Variants in KCNB2 observed in about 807,000 individuals in gnomAD.
KCNB2 encodes the protein potassium voltage-gated channel subfamily B member 2, also known as delayed rectifier potassium channel protein.
A neutral mutation model predicts 61.5 loss-of-function variants in KCNB2; 15 were observed. The observed-to-expected ratio is 0.24, with a 90% confidence interval of 0.16 to 0.38. KCNB2 has a LOEUF of 0.38. Ranked by LOEUF, KCNB2 falls within the 10% of genes least tolerant of loss-of-function variation. KCNB2 has a pLI of 1.00. For synonymous variants in KCNB2, 457 were observed against 446.0 expected, an observed-to-expected ratio of 1.02 and a Z score of -0.31; for missense variants, 828 against 1,125.2, an observed-to-expected ratio of 0.74 and a Z score of 3.78.
rs147239924 is a variant in KCNB2, at chr8:72,882,520, TGAGAGAGAGAGA to T, written c.580-53390_580-53379del. Among the ~76,000 whole-genome samples, 10 of 115,462 alleles carry T rather than the reference TGAGAGAGAGAGA, an allele frequency of 8.7e-5. 1 individual carries two copies. Among genetic ancestry groups the T allele is most frequent in the South Asian group, 3.0e-4 (1 of 3,296 alleles). 75.7% of individuals were successfully genotyped at this position (115,462 alleles called of 152,430 possible). ...TTTGACCATGCCAACTGCTGACAGT[TGAGAGAGAGAGA>T]GAGAGAGAGAGAGAGAGAGAGAGAA... is the stretch of plus-strand genomic sequence containing the variant. On this transcript the variant is annotated intron_variant, in intron 2 of 2. Transcript: ENST00000523207.
intron 2 of KCNB2, among the ~76,000 whole-genome samples, chr8:72,844,679 C>T (rs1014613389): frequency 2.6e-5 from 4 of 152,152 alleles, no homozygotes; most frequent in Non-Finnish European, 4.4e-5. Flanking sequence ...TGCTTTATTT[C>T]ATTAAGTTGA....
intron 2 of KCNB2, among the ~76,000 whole-genome samples, chr8:72,788,982 G>T (rs778847456): frequency 6.6e-6 from 1 of 152,048 alleles, no homozygotes; most frequent in Non-Finnish European, 1.5e-5. Context: ...CATTAAAAAT[G>T]TATTGATTAC....
chr8:72,574,773 C>T (rs1378751303), intron 2 of KCNB2, among the ~76,000 whole-genome samples: 1 of 152,132 alleles, frequency 6.6e-6, no homozygotes, highest in Non-Finnish European at 1.5e-5. Context: ...ACAGTATTTA[C>T]ATATTCTGGC....
chr8:72,548,390 A>T (rs1024929963), intron 1 of KCNB2, among the ~76,000 whole-genome samples: 1 of 152,190 alleles, frequency 6.6e-6, no homozygotes, highest in East Asian at 1.9e-4. Flanking sequence ...GTCCTGTTGG[A>T]TATTGTTAAA....
At chr8:72,543,612 C>A (rs1806221142) in intron 1 of KCNB2, among the ~76,000 whole-genome samples, 1 of 152,210 alleles carries the variant, frequency 6.6e-6, no homozygotes, top group Non-Finnish European at 1.5e-5. Context: ...CACCTTCTAT[C>A]ATTCCTAGAA....
chr8:72,735,036 T>C (rs892678749), intron 2 of KCNB2, among the ~76,000 whole-genome samples: 3 of 152,080 alleles, frequency 2.0e-5, no homozygotes, highest in African/African-American at 7.2e-5. Flanking sequence ...AATTCAGTGG[T>C]TTATAATGGA....
chr8:72,715,612 A>G (rs1052969310), intron 2 of KCNB2, among the ~76,000 whole-genome samples: 2 of 152,216 alleles, frequency 1.3e-5, no homozygotes, highest in East Asian at 1.9e-4. Flanking sequence ...TTTGAAACCA[A>G]CGAGAACAAA....
intron 2 of KCNB2, among the ~76,000 whole-genome samples, chr8:72,788,113 T>G (rs1808872744): frequency 6.6e-6 from 1 of 152,230 alleles, no homozygotes. Context: ...TCTGTTCATC[T>G]CTGACAACAC....
intron 2 of KCNB2, among the ~76,000 whole-genome samples, chr8:72,881,966 G>A (rs4412410): frequency 0.021 from 3,165 of 152,242 alleles, 54 homozygotes; most frequent in Non-Finnish European, 0.034. Context: ...AAAACCCAGC[G>A]TTATCATTTT....
chr8:72,935,956 C>G lies in KCNB2; in HGVS notation c.601C>G (p.Leu201Val). The G allele has an allele frequency of 6.2e-7, 1 of 1,613,986 alleles. No individual in the cohort carries two copies. Among genetic ancestry groups the G allele is most frequent in the Non-Finnish European group, 8.5e-7 (1 of 1,179,886 alleles). Residue 201 changes from leucine to valine, a missense_variant, in exon 3 of 3, where the codon CTG becomes GTG. Leu to Val is a conservative substitution (Grantham distance 32). Coordinates refer to ENST00000523207, the MANE Select transcript of KCNB2 (RefSeq NM_004770.3). ...AAKILAIVSILFIVLSTIALS... is the reference protein window; with the variant it reads ...AAKILAIVSIVFIVLSTIALS... ...CCAGATCCTGGCCATCGTGTCTATCCTGTTCATTGTGCTTTCCACCATTGC... is the reference window on the plus strand; with the variant it reads ...CCAGATCCTGGCCATCGTGTCTATCGTGTTCATTGTGCTTTCCACCATTGC...
rs369617716 is a variant in KCNB2, at chr8:72,873,341, G to A, written c.580-62594G>A. ...CCCCACCCTTTCACTGTTTAGCAGG[G>A]CCAACAGAAAGGACAGAGTCTGAGA... On this transcript the variant is annotated intron_variant, in intron 2 of 2. Coordinates refer to ENST00000523207, the MANE Select transcript of KCNB2 (RefSeq NM_004770.3). 1.5e-3 allele frequency among the ~76,000 whole-genome samples: 226 copies of A among 152,340 alleles called. 3 individuals are homozygous for A. Among genetic ancestry groups the A allele is most frequent in the South Asian group, 0.014 (66 of 4,820 alleles).
In KCNB2 at chr8:72,565,662, A is replaced by ACAAC. The variant is rs397762737; in HGVS notation, c.-93-1980_-93-1979insCAAC. On this transcript the variant is annotated intron_variant, in intron 1 of 2. Transcript: ENST00000523207. ...AAGCAGAATACACACACACACACACAACACACACACACACAACACACACAC... is the reference window on the plus strand; with the variant it reads ...AAGCAGAATACACACACACACACACACAACACACACACACACACAACACACACAC... Among the ~76,000 whole-genome samples, 45 of 147,960 alleles carry ACAAC rather than the reference A, an allele frequency of 3.0e-4. No individual in the cohort carries two copies. In the South Asian group the frequency reaches 4.7e-3, roughly 15 times the overall value.
intron 2 of KCNB2, among the ~76,000 whole-genome samples, chr8:72,791,175 G>T (rs748910959): frequency 2.2e-4 from 33 of 152,116 alleles, no homozygotes; most frequent in Non-Finnish European, 4.0e-4. Flanking sequence ...AGACAAGAGA[G>T]ATCTACAGTT....
chr8:72,651,015 C>A (rs1295350865), intron 2 of KCNB2, among the ~76,000 whole-genome samples: 1 of 152,030 alleles, frequency 6.6e-6, no homozygotes, highest in Non-Finnish European at 1.5e-5. Context: ...CATTCATTTT[C>A]CAAACCCTAG....
At chr8:72,900,967 A>T (rs1435706746) in intron 2 of KCNB2, among the ~76,000 whole-genome samples, 3 of 152,338 alleles carry the variant, frequency 2.0e-5, no homozygotes, top group Non-Finnish European at 2.9e-5. Flanking sequence ...AGAGCTACCA[A>T]TTGACCCAGC....
At chr8:72,796,830 C>G (rs1809038990) in intron 2 of KCNB2, among the ~76,000 whole-genome samples, 1 of 152,176 alleles carries the variant, frequency 6.6e-6, no homozygotes, top group African/African-American at 2.4e-5. Context: ...ATGATATCAA[C>G]TGAATACTGA....
Position 72,936,297 on chromosome 8 carries a change from C to T in KCNB2, c.942C>T (p.Leu314=), listed in dbSNP as rs145537672. ...TGCGCATCCTCAGGATCCTGAAACTCGCCAGGCATTCGACAGGCCTGCAGT... is the reference window on the plus strand; with the variant it reads ...TGCGCATCCTCAGGATCCTGAAACTTGCCAGGCATTCGACAGGCCTGCAGT... ...RIMRILRILK[L]ARHSTGLQSL... is the part of the protein sequence containing the mutation. Residue 314 remains leucine (L), a synonymous_variant, in exon 3 of 3, where the codon CTC becomes CTT. Transcript: ENST00000523207. This position sits in a 1 kb window ranked among gnomAD's most constrained non-coding sequence, Gnocchi z 5.6. The T allele has an allele frequency of 3.1e-6, 5 of 1,614,100 alleles. No homozygotes were observed. In the East Asian group the frequency reaches 6.7e-5, roughly 22 times the overall value.
At chr8:72,556,245 A>G (rs1208864363) in intron 1 of KCNB2, among the ~76,000 whole-genome samples, 2 of 152,186 alleles carry the variant, frequency 1.3e-5, no homozygotes, top group Non-Finnish European at 2.9e-5. Context: ...TATTTCTAGC[A>G]GTAAATTTAA....
intron 1 of KCNB2, among the ~76,000 whole-genome samples, chr8:72,551,502 C>T (rs1481295266): frequency 6.6e-6 from 1 of 152,070 alleles, no homozygotes; most frequent in Non-Finnish European, 1.5e-5. Context: ...ATCTGAAGTG[C>T]CCTGGGCTTT....
Sources: gnomAD v4.1 joint callset for allele counts (sites outside exome capture counted in the v4.1 genomes callset) on GRCh38, gnomAD v4.1.1 for gene constraint, Gnocchi (gnomAD v3.1) non-coding constraint, MANE v1.5 for transcripts, NCBI Gene and HGNC (gene_info 2026-07-23, HGNC 2026-07-21) for gene names.